Variants in PHLDA1 observed in about 807,000 individuals in gnomAD.
PHLDA1 encodes pleckstrin homology-like domain family A member 1.
PHLDA1 carries 28 observed loss-of-function variants against 33.8 expected under a neutral mutation model. The observed-to-expected ratio is 0.83, with a 90% CI of 0.61 to 1.14. The LOEUF is 1.14. Among genes scored for constraint, PHLDA1 ranks in the 50% most tolerant of loss-of-function variants. PHLDA1 has a pLI of 0.00. For synonymous variants in PHLDA1, 271 were observed against 243.6 expected (o/e 1.11, Z -1.05); for missense variants, 595 against 548.6 (o/e 1.08, Z -0.84).
Position 76,030,509 on chromosome 12 carries a change from C to G in PHLDA1, c.*26+1G>C, listed in dbSNP as rs1296189087. ...CGGGAGCGCGAGTGCCGGGACCTTA[C>G]CTTGTCTTGCCCGGGAGCTGCCCCT... is the stretch of plus-strand genomic sequence containing the variant. On this transcript the variant is annotated splice_donor_variant, in intron 1 of 1. Coordinates refer to ENST00000266671, the Ensembl canonical transcript of PHLDA1. LOFTEE classifies it low-confidence loss of function (3UTR_SPLICE). The G allele has an allele frequency of 6.2e-7, 1 of 1,608,732 alleles. No homozygotes were observed. The highest frequency in any genetic ancestry group is 1.1e-5 in the South Asian group (1 of 90,678).
chr12:76,028,552 A>G (rs1397661328), exon 2 of PHLDA1: 1 of 152,362 alleles, frequency 6.6e-6, no homozygotes. Flanking sequence ...TTTCTTGACT[A>G]CATAACCTAG....
rs752808163 is a variant in PHLDA1 at position 76,031,034 on chromosome 12, G to A, written c.708C>T (p.Asn236=). ...GCTCCACACAGTCCACGGTCTTCAT[G>A]TTGGAGAAGTGCAGTTCCTTGAGCT... The change falls in exon 1 of 2, where the codon AAC becomes AAT. Residue 236 remains asparagine (N), a synonymous_variant. Coordinates refer to ENST00000266671, the Ensembl canonical transcript of PHLDA1. This position sits in a 1 kb window ranked among gnomAD's most constrained non-coding sequence, Gnocchi z 5.4. 14 of 1,612,262 alleles carry A rather than the reference G, an allele frequency of 8.7e-6. No individual in the cohort carries two copies. In the East Asian group the frequency reaches 2.5e-4, roughly 28 times the overall value.
At position 76,031,250 on chromosome 12, in the gene PHLDA1, C is replaced by T. The variant is rs1870901645; in HGVS notation, c.492G>A (p.Leu164=). The change falls in exon 1 of 2, where the codon TTG becomes TTA. Residue 164 remains leucine (L), a synonymous_variant. Transcript: ENST00000266671. The surrounding 1 kb of genome is among the most constrained non-coding windows in gnomAD (Gnocchi z 5.4). Reference sequence around the variant, plus strand: ...TGCAACACTTTTTCTTCCAGAGCTGCAACAACCCGTCGCTGCGCTTCTCCA... The same window carrying T: ...TGCAACACTTTTTCTTCCAGAGCTGTAACAACCCGTCGCTGCGCTTCTCCA... The T allele has an allele frequency of 6.2e-7, 1 of 1,613,782 alleles. No individual in the cohort carries two copies. Among genetic ancestry groups the T allele is most frequent in the Admixed American group, 1.7e-5 (1 of 60,000 alleles).
chr12:76,031,025 G>T lies in PHLDA1; in HGVS notation c.717C>A (p.Thr239=). 1 of 1,612,808 alleles carries T rather than the reference G, an allele frequency of 6.2e-7. No homozygotes were observed. The highest frequency in any genetic ancestry group is 2.2e-5 in the East Asian group (1 of 44,876). Residue 239 remains threonine, a synonymous_variant, in exon 1 of 2, where the codon ACC becomes ACA. Coordinates refer to ENST00000266671, the Ensembl canonical transcript of PHLDA1. The surrounding 1 kb of genome is among the most constrained non-coding windows in gnomAD (Gnocchi z 5.4). ...TGCCCTTGCGCTCCACACAGTCCAC[G>T]GTCTTCATGTTGGAGAAGTGCAGTT... is the stretch of plus-strand genomic sequence containing the variant.
chr12:76,025,993 G>C (rs61623415), exon 2 of PHLDA1: 4 of 152,264 alleles, frequency 2.6e-5, no homozygotes, highest in African/African-American at 9.6e-5. Context: ...GCCCAACCGT[G>C]CAAGTCAATA....
Position 76,031,615 on chromosome 12 carries a change from G to C in PHLDA1, c.127C>G (p.Arg43Gly), listed in dbSNP as rs1870914465. The change falls in exon 1 of 2, where the codon CGC becomes GGC. Residue 43 changes from arginine (R) to glycine (G), a missense_variant. Transcript: ENST00000266671. The surrounding 1 kb of genome is among the most constrained non-coding windows in gnomAD (Gnocchi z 5.4). ...AAGGGCACTGGCCGGGCCCCCTCGC[G>C]GCGCTTTTGAATGGGCCATCTTCCC... The C allele has an allele frequency of 1.9e-6, 3 of 1,570,300 alleles. No individual in the cohort carries two copies. The highest frequency in any genetic ancestry group is 1.7e-6 in the Non-Finnish European group (2 of 1,160,628).
At position 76,031,284 on chromosome 12, in the gene PHLDA1, T is replaced by TC; in HGVS notation, c.457dup (p.Glu153GlyfsTer264). The TC allele has an allele frequency of 6.2e-7, 1 of 1,613,718 alleles. No homozygotes were observed. Among genetic ancestry groups the TC allele is most frequent in the Non-Finnish European group, 8.5e-7 (1 of 1,179,880 alleles). ...GTCGCTGCGCTTCTCCAGCACGCCC[T>TC]CCTTCAGCGCTTTGCAGCCGCTACT... On this transcript the variant is annotated frameshift_variant, in exon 1 of 2. Transcript: ENST00000266671. LOFTEE classifies it high-confidence loss of function. This position sits in a 1 kb window ranked among gnomAD's most constrained non-coding sequence, Gnocchi z 5.4.
exon 1 of PHLDA1, chr12:76,030,804 G>A (rs959196447): frequency 5.9e-6 from 9 of 1,523,036 alleles, no homozygotes; most frequent in Non-Finnish European, 8.0e-6. Context: ...CTGCGGCTGC[G>A]GCTGCGGCTG....
exon 2 of PHLDA1, chr12:76,029,753 T>G (rs1490274580): frequency 2.6e-5 from 4 of 151,686 alleles, no homozygotes; most frequent in African/African-American, 9.7e-5. Context: ...TGGAAAATGG[T>G]CTACATTCAG....
At chr12:76,029,619 A>T (rs1407053883) in exon 2 of PHLDA1, 1 of 152,662 alleles carries the variant, frequency 6.6e-6, no homozygotes, top group South Asian at 2.1e-4. Flanking sequence ...AAAGTGTCAG[A>T]CTTTCTGAAA....
chr12:76,030,273 G>A (rs1870862002), intron 1 of PHLDA1, among the ~76,000 whole-genome samples, 181 bp from the exon 2 acceptor site: 1 of 150,584 alleles, frequency 6.6e-6, no homozygotes, highest in Non-Finnish European at 1.5e-5. Context: ...GGTCGTGATG[G>A]GCGCGGGCGC....
exon 2 of PHLDA1, chr12:76,026,634 A>C (rs1565700965): frequency 6.6e-6 from 1 of 152,200 alleles, no homozygotes; most frequent in Non-Finnish European, 1.5e-5. Context: ...AAACAAAAAC[A>C]TAAACATCTG....
chr12:76,029,346 A>T (rs1356992270), exon 2 of PHLDA1: 2 of 152,242 alleles, frequency 1.3e-5, no homozygotes. Flanking sequence ...TTCCTACAAT[A>T]GATGTGGCCC....
chr12:76,031,152 TGCTGTTGC>T lies in PHLDA1; in HGVS notation c.582_589del (p.Gln195AlafsTer219), dbSNP rs776897701. ...GGGCTGTTGTTGCTGCTGCTGCTGC[TGCTGTTGC>T]TGCTGCTGCTGCTGGTGTTGCAGCT... On this transcript the variant is annotated frameshift_variant, in exon 1 of 2. Transcript: ENST00000266671. LOFTEE classifies it high-confidence loss of function. This position sits in a 1 kb window ranked among gnomAD's most constrained non-coding sequence, Gnocchi z 5.4. 618 of 1,459,786 alleles carry T rather than the reference TGCTGTTGC, an allele frequency of 4.2e-4. No homozygotes were observed. In the African/African-American group the frequency reaches 0.014, roughly 33 times the overall value. 90.4% of individuals were successfully genotyped at this position (1,459,786 alleles called of 1,614,324 possible). A position where few individuals can be genotyped will look rare whatever the true frequency, so the allele number is the denominator to read the frequency against.
In PHLDA1 at chr12:76,031,595, C is replaced by T. The variant is rs879236856; in HGVS notation, c.147G>A (p.Val49=). ...CCTCTTGCGAGCGCTCACTGAAGGGCACTGGCCGGGCCCCCTCGCGGCGCT... is the reference window on the plus strand; with the variant it reads ...CCTCTTGCGAGCGCTCACTGAAGGGTACTGGCCGGGCCCCCTCGCGGCGCT... The change falls in exon 1 of 2, where the codon GTG becomes GTA. Residue 49 remains valine, a synonymous_variant. Transcript: ENST00000266671. The surrounding 1 kb of genome is among the most constrained non-coding windows in gnomAD (Gnocchi z 5.4). 1 of 1,577,974 alleles carries T rather than the reference C, an allele frequency of 6.3e-7. No individual in the cohort carries two copies. The highest frequency in any genetic ancestry group is 8.6e-7 in the Non-Finnish European group (1 of 1,164,646).
At chr12:76,030,429 AC>A in intron 1 of PHLDA1, 80 bp downstream of exon 1, 1 of 1,089,296 alleles carries the variant, frequency 9.2e-7, no homozygotes, top group East Asian at 2.4e-5. Context: ...CAGGAGCCGA[AC>A]CTGTGAACAA....
rs767642532 is a variant in PHLDA1 at position 76,031,032 on chromosome 12, A to T, written c.710T>A (p.Met237Lys). Residue 237 changes from methionine (M) to lysine (K), a missense_variant, in exon 1 of 2, where the codon ATG becomes AAG. Transcript: ENST00000266671. This position sits in a 1 kb window ranked among gnomAD's most constrained non-coding sequence, Gnocchi z 5.4. Reference sequence around the variant, plus strand: ...GCGCTCCACACAGTCCACGGTCTTCATGTTGGAGAAGTGCAGTTCCTTGAG... The same window carrying T: ...GCGCTCCACACAGTCCACGGTCTTCTTGTTGGAGAAGTGCAGTTCCTTGAG... 1 of 1,612,444 alleles carries T rather than the reference A, an allele frequency of 6.2e-7. No individual in the cohort carries two copies.
chr12:76,030,891 T>C (rs368789594), exon 1 of PHLDA1: 1 of 1,613,410 alleles, frequency 6.2e-7, no homozygotes, highest in South Asian at 1.1e-5. Flanking sequence ...CTGACGATTC[T>C]TGTACTGCAC....
In PHLDA1 at chr12:76,031,774, C is replaced by A. The variant is rs899536606; in HGVS notation, c.-33G>T. 1.3e-5 allele frequency: 18 copies of A among 1,340,084 alleles called. No individual in the cohort carries two copies. Among genetic ancestry groups the A allele is most frequent in the South Asian group, 4.0e-5 (2 of 50,216 alleles). 83.0% of individuals were successfully genotyped at this position (1,340,084 alleles called of 1,614,324 possible). ...GGGCCTTTCCAAAGCCCGCTGCGTC[C>A]ACGCCCTCCAGCGTCTCTTGCTCCG... On this transcript the variant is annotated 5_prime_UTR_variant, in exon 1 of 2. Coordinates refer to ENST00000266671, the Ensembl canonical transcript of PHLDA1. This position sits in a 1 kb window ranked among gnomAD's most constrained non-coding sequence, Gnocchi z 5.4.
Sources: gnomAD v4.1 joint callset for allele counts (sites outside exome capture counted in the v4.1 genomes callset) on GRCh38, gnomAD v4.1.1 for gene constraint, Gnocchi (gnomAD v3.1) non-coding constraint, MANE v1.5 for transcripts, NCBI Gene and HGNC (gene_info 2026-07-23, HGNC 2026-07-21) for gene names.